GPATCH2L: variants seen among roughly 807,000 people sequenced by gnomAD.
GPATCH2L encodes the protein G-patch domain containing 2 like.
In GPATCH2L, 31 loss-of-function variants were observed where a neutral mutation model predicts 57.4. That is an observed-to-expected ratio of 0.54 (90% CI 0.41 to 0.73). The LOEUF (loss-of-function observed/expected upper bound fraction) is 0.73, where lower values mean the gene tolerates loss of function less well. GPATCH2L is among the 30% of genes least tolerant of loss of function. GPATCH2L has a pLI of 0.00. For missense variants in GPATCH2L, 481 were observed against 599.9 expected, an observed-to-expected ratio of 0.80 and a Z score of 2.07; for synonymous variants, 199 against 210.7, an observed-to-expected ratio of 0.94 and a Z score of 0.48.
At chr14:76,152,968 T>C (rs2038125019) in intron 1 of GPATCH2L, 1 of 355,382 alleles carries the variant, frequency 2.8e-6, no homozygotes. Context: ...TTCCCCTTCT[T>C]TTCACAGGTG....
At chr14:76,233,499 A>T (rs1345861787) in intron 2 of GPATCH2L, among the ~76,000 whole-genome samples, 3 of 152,152 alleles carry the variant, frequency 2.0e-5, no homozygotes, top group African/African-American at 7.2e-5. Context: ...GAACGGTTTG[A>T]TGAATTCCCA....
In GPATCH2L at chr14:76,210,502, C is replaced by T. The variant is rs1343653220; in HGVS notation, c.*8651C>T. ...TTTGTCCTGGTGGGCTGTTTCTCTA[C>T]CAGGCAACTGTGAATGGGCTCATCC... On this transcript the variant is annotated 3_prime_UTR_variant, in exon 10 of 10. Coordinates refer to ENST00000261530, the MANE Select transcript of GPATCH2L (RefSeq NM_017926.4). 3 of 152,110 alleles carry T rather than the reference C, an allele frequency of 2.0e-5. No individual in the cohort carries two copies. Among genetic ancestry groups the T allele is most frequent in the Non-Finnish European group, 4.4e-5 (3 of 68,048 alleles). The allele number at this position is 152,110 out of a possible 1,614,324, so 9.4% of individuals were successfully genotyped here.
rs1286465610 is a variant in GPATCH2L at position 76,211,155 on chromosome 14, A to G, written c.*9304A>G. On this transcript the variant is annotated 3_prime_UTR_variant, in exon 10 of 10. Transcript: ENST00000261530. The stretch of plus-strand genomic sequence containing the variant: ...AAGCATGGTTTATTCAGAGCACTGC[A>G]AGTGTTTTAGTATGGCCCACATGTA... The G allele has an allele frequency of 2.6e-5, 4 of 152,240 alleles. No homozygotes were observed. Among genetic ancestry groups the G allele is most frequent in the African/African-American group, 7.2e-5 (3 of 41,440 alleles). The allele number at this position is 152,240 out of a possible 1,614,324, so 9.4% of individuals were successfully genotyped here.
At chr14:76,228,995 T>C (rs1183041922) in intron 1 of GPATCH2L, among the ~76,000 whole-genome samples, 4 of 152,228 alleles carry the variant, frequency 2.6e-5, no homozygotes, top group Non-Finnish European at 2.9e-5. Context: ...TTTGGTGGAA[T>C]GGATGTGGGA....
At chr14:76,192,092 A>G (rs1451657237) in intron 8 of GPATCH2L, among the ~76,000 whole-genome samples, 2 of 146,698 alleles carry the variant, frequency 1.4e-5, no homozygotes, top group African/African-American at 5.0e-5. Flanking sequence ...AGTTCCATCC[A>G]TGTTGCTGTG....
chr14:76,177,432 T>C (rs1256752079), intron 6 of GPATCH2L, among the ~76,000 whole-genome samples: 3 of 151,942 alleles, frequency 2.0e-5, no homozygotes, highest in Admixed American at 6.6e-5. Flanking sequence ...TGCCAATTCT[T>C]GTGACAGCCT....
At chr14:76,233,566 T>A (rs2040584663) in intron 2 of GPATCH2L, among the ~76,000 whole-genome samples, 2 of 152,140 alleles carry the variant, frequency 1.3e-5, no homozygotes, top group Admixed American at 1.3e-4. Flanking sequence ...TTCTACCTCA[T>A]CCGCAGCCCC....
chr14:76,152,169 G>A (rs766836463), intron 1 of GPATCH2L, among the ~76,000 whole-genome samples, 178 bp downstream of exon 1: 2 of 152,160 alleles, frequency 1.3e-5, no homozygotes, highest in Non-Finnish European at 2.9e-5. Flanking sequence ...CTGGGGATGT[G>A]GGTCGGGCCG....
At chr14:76,178,280 G>A (rs2121069) in intron 7 of GPATCH2L, 951,502 of 1,447,312 alleles carry the variant, frequency 0.66, 319,662 homozygotes, top group South Asian at 0.76. Context: ...AGAATCCTGC[G>A]TTGAGAAGTA....
chr14:76,193,576 T>C (rs894449659), intron 8 of GPATCH2L, among the ~76,000 whole-genome samples: 8 of 152,140 alleles, frequency 5.3e-5, no homozygotes, highest in African/African-American at 1.7e-4. Flanking sequence ...CAAAGAAATA[T>C]ACACTTGATA....
chr14:76,188,221 T>G (rs2139763665), intron 8 of GPATCH2L, among the ~76,000 whole-genome samples: 1 of 152,304 alleles, frequency 6.6e-6, no homozygotes, highest in Non-Finnish European at 1.5e-5. Context: ...TCCTTTCTTT[T>G]GGGTATTTAC....
intron 2 of GPATCH2L, among the ~76,000 whole-genome samples, chr14:76,159,129 C>T (rs142168403): frequency 1.3e-5 from 2 of 152,130 alleles, no homozygotes; most frequent in Non-Finnish European, 2.9e-5. Context: ...GCTTGATGAC[C>T]GCTTACTTAG....
At chr14:76,227,825 G>C (rs2040542488) in intron 1 of GPATCH2L, among the ~76,000 whole-genome samples, 1 of 152,142 alleles carries the variant, frequency 6.6e-6, no homozygotes, top group African/African-American at 2.4e-5. Flanking sequence ...GCTCAGCCCC[G>C]TGAGTCTGCA....
intron 3 of GPATCH2L, 114 bp downstream of exon 3, chr14:76,166,841 C>T: frequency 1.3e-6 from 1 of 777,674 alleles, no homozygotes; most frequent in East Asian, 2.7e-5. Flanking sequence ...GGTTCTCAAA[C>T]TTTAAGGCAT....
chr14:76,184,057 T>A (rs575307140), intron 8 of GPATCH2L, among the ~76,000 whole-genome samples: 1 of 151,778 alleles, frequency 6.6e-6, no homozygotes, highest in East Asian at 1.9e-4. Context: ...TGTGTGTGTG[T>A]GTGTGTGTGG....
chr14:76,201,173 T>C (rs1186254455), intron 9 of GPATCH2L, among the ~76,000 whole-genome samples: 1 of 152,238 alleles, frequency 6.6e-6, no homozygotes, highest in Non-Finnish European at 1.5e-5. Flanking sequence ...CACTGCCCTA[T>C]CGGAGGCATG....
chr14:76,232,877 G>A (rs4903390), intron 2 of GPATCH2L, among the ~76,000 whole-genome samples: 45,853 of 152,114 alleles, frequency 0.3, 8,557 homozygotes, highest in East Asian at 0.53. Flanking sequence ...TTGACTGCCC[G>A]TGCAGCTGCT....
At chr14:76,158,644 T>G (rs985912153) in intron 2 of GPATCH2L, among the ~76,000 whole-genome samples, 2 of 152,236 alleles carry the variant, frequency 1.3e-5, no homozygotes, top group African/African-American at 4.8e-5. Context: ...CAGGGTTTCC[T>G]GGAGCTGTGT....
At chr14:76,185,560 G>A (rs1008496686) in intron 8 of GPATCH2L, among the ~76,000 whole-genome samples, 2 of 152,076 alleles carry the variant, frequency 1.3e-5, no homozygotes, top group African/African-American at 4.8e-5. Flanking sequence ...AACTTTTCAT[G>A]GCAGTGTTTT....
Sources: gnomAD v4.1 joint callset for allele counts (sites outside exome capture counted in the v4.1 genomes callset) on GRCh38, gnomAD v4.1.1 for gene constraint, MANE v1.5 for transcripts, NCBI Gene and HGNC (gene_info 2026-07-23, HGNC 2026-07-21) for gene names.